SYNE3: variants seen among roughly 807,000 people sequenced by gnomAD.
SYNE3 encodes the protein nesprin-3.
SYNE3 carries 100 observed loss-of-function variants against 111.2 expected under a neutral mutation model. The ratio of observed to expected loss-of-function variants is 0.90; its 90% CI spans 0.77 to 1.06. The LOEUF is 1.06. SYNE3 is among the 50% of genes least tolerant of loss of function. The pLI is 0.00. For missense variants in SYNE3, 1,160 were observed against 1,240.3 expected, an observed-to-expected ratio of 0.94 and a Z score of 0.97; for synonymous variants, 547 against 533.9, an observed-to-expected ratio of 1.02 and a Z score of -0.34.
intron 11 of SYNE3, among the ~76,000 whole-genome samples, chr14:95,440,784 T>C (rs1373686053): frequency 6.6e-6 from 1 of 152,178 alleles, no homozygotes; most frequent in Non-Finnish European, 1.5e-5. Context: ...TCGGGAATGG[T>C]GAGCTGGGCA....
Position 95,457,205 on chromosome 14 carries a change from G to A in SYNE3, c.761C>T (p.Pro254Leu), listed in dbSNP as rs747528522. 1.2e-6 allele frequency: 2 copies of A among 1,613,874 alleles called. No homozygotes were observed. Among genetic ancestry groups the A allele is most frequent in the African/African-American group, 2.7e-5 (2 of 74,880 alleles). ...NGCLGRNCKL[P>L]ITQRLSTLQD... ...CAGTGTGGAGAGGCGCTGCGTGATGGGCAGCTTGCAGTTCCGCCCCAGGCA... is the reference window on the plus strand; with the variant it reads ...CAGTGTGGAGAGGCGCTGCGTGATGAGCAGCTTGCAGTTCCGCCCCAGGCA... Residue 254 changes from proline (P) to leucine (L), a missense_variant, in exon 5 of 18, where the codon CCC becomes CTC. By Grantham distance (98) the Pro-to-Leu change is moderately conservative. Transcript: ENST00000682763.
chr14:95,491,751 T>G, intron 1 of SYNE3, among the ~76,000 whole-genome samples: 1 of 149,072 alleles, frequency 6.7e-6, no homozygotes, highest in East Asian at 2.0e-4. Flanking sequence ...TTAAAACTTT[T>G]GTACTTCAAA....
chr14:95,455,531 C>A lies in SYNE3; in HGVS notation c.983G>T (p.Arg328Leu). Reference sequence around the variant, plus strand: ...CTGCTGCTCCCAGGCTCCCCTGGACCGGAGCAGGCCCCGCAGCCGCTCCTC... The same window carrying A: ...CTGCTGCTCCCAGGCTCCCCTGGACAGGAGCAGGCCCCGCAGCCGCTCCTC... The part of the protein sequence containing the change: ...EEEERLRGLL[R>L]SRGAWEQQIK... Residue 328 changes from arginine to leucine, a missense_variant, in exon 6 of 18, where the codon CGG (arginine) becomes CTG (leucine). Physicochemically the swap from Arg to Leu is moderately radical, Grantham distance 102 (BLOSUM62 -2). Transcript: ENST00000682763. The A allele has an allele frequency of 6.2e-7, 1 of 1,613,896 alleles. No individual in the cohort carries two copies.
At chr14:95,444,459 T>G in intron 10 of SYNE3, 26 bp downstream of exon 10, 1 of 1,581,362 alleles carries the variant, frequency 6.3e-7, no homozygotes, top group East Asian at 2.3e-5. Context: ...TGGGCAGGAG[T>G]GATTCAGGCC....
intron 1 of SYNE3, among the ~76,000 whole-genome samples, chr14:95,507,285 T>C (rs1185163420): frequency 6.6e-6 from 1 of 152,218 alleles, no homozygotes; most frequent in African/African-American, 2.4e-5. Context: ...TCTTCCTAGT[T>C]CGTGTCCACC....
intron 17 of SYNE3, among the ~76,000 whole-genome samples, chr14:95,422,403 C>T (rs1008215691): frequency 6.6e-6 from 1 of 152,160 alleles, no homozygotes; most frequent in Non-Finnish European, 1.5e-5. Flanking sequence ...GGAGAGTACC[C>T]AGTCCAAGGT....
At chr14:95,437,576 C>G (rs940616706) in intron 14 of SYNE3, among the ~76,000 whole-genome samples, 1 of 152,244 alleles carries the variant, frequency 6.6e-6, no homozygotes, top group African/African-American at 2.4e-5. Flanking sequence ...GTCTTATCTT[C>G]CAGGAGAGGC....
chr14:95,471,880 A>G (rs1032344113), intron 2 of SYNE3, among the ~76,000 whole-genome samples: 7 of 152,216 alleles, frequency 4.6e-5, no homozygotes, highest in African/African-American at 1.7e-4. Context: ...TCAGGAGACC[A>G]GGAAAGTGGA....
At chr14:95,432,052 G>A (rs377632931) in intron 17 of SYNE3, 27 bp downstream of exon 17, 42 of 1,608,016 alleles carry the variant, frequency 2.6e-5, no homozygotes, top group African/African-American at 1.5e-4. Context: ...CCTGCTAGCC[G>A]TGTGGAGCAG....
chr14:95,503,547 C>A (rs903312344), intron 1 of SYNE3, among the ~76,000 whole-genome samples: 3 of 142,898 alleles, frequency 2.1e-5, no homozygotes, highest in African/African-American at 7.6e-5. Context: ...AATGAGCAAA[C>A]AAATTAACAC....
At chr14:95,452,911 A>G (rs888571953) in intron 6 of SYNE3, among the ~76,000 whole-genome samples, 1 of 152,216 alleles carries the variant, frequency 6.6e-6, no homozygotes, top group Non-Finnish European at 1.5e-5. Context: ...CGGCAGGCCT[A>G]GAAGCTATTT....
intron 11 of SYNE3, among the ~76,000 whole-genome samples, chr14:95,441,385 G>A (rs936046104): frequency 1.3e-5 from 2 of 152,170 alleles, no homozygotes; most frequent in African/African-American, 4.8e-5. Flanking sequence ...AGGGCTTCCC[G>A]TACATAGAGC....
At position 95,437,083 on chromosome 14, in the gene SYNE3, G is replaced by C. The variant is rs905817519; in HGVS notation, c.2377-102C>G. 6 of 1,479,242 alleles carry C rather than the reference G, an allele frequency of 4.1e-6. No homozygotes were observed. The African/African-American group carries it at 5.6e-5, about 14-fold the overall frequency. The allele number at this position is 1,479,242 out of a possible 1,614,324, so 91.6% of individuals were successfully genotyped here. ...GGCAGAGGGGCAGGGACCAGGACAA[G>C]ATGCCCAAAATGGCGACGGGAGAGG... On this transcript the variant is annotated intron_variant, in intron 14 of 17. Coordinates refer to ENST00000682763, the MANE Select transcript of SYNE3 (RefSeq NM_152592.6).
chr14:95,439,390 C>A (rs969291233), intron 13 of SYNE3, among the ~76,000 whole-genome samples: 1 of 152,250 alleles, frequency 6.6e-6, no homozygotes, highest in Non-Finnish European at 1.5e-5. Flanking sequence ...AACTGAGGCT[C>A]AAGCCAGTAT....
intron 4 of SYNE3, among the ~76,000 whole-genome samples, chr14:95,463,020 G>T (rs1277677142): frequency 6.6e-6 from 1 of 152,110 alleles, no homozygotes; most frequent in Non-Finnish European, 1.5e-5. Flanking sequence ...GCCGGGCATG[G>T]TGACACATGC....
chr14:95,421,847 C>T (rs1267935279), intron 17 of SYNE3, among the ~76,000 whole-genome samples: 1 of 152,218 alleles, frequency 6.6e-6, no homozygotes, highest in Non-Finnish European at 1.5e-5. Context: ...CACAGGCTGT[C>T]CCGTGTGTCT....
chr14:95,486,834 C>T (rs1889576067), intron 1 of SYNE3, among the ~76,000 whole-genome samples: 1 of 152,162 alleles, frequency 6.6e-6, no homozygotes. Context: ...TCACATAAAA[C>T]TCATGGTCTC....
At chr14:95,449,349 G>T (rs940039308) in intron 8 of SYNE3, 1 of 824,874 alleles carries the variant, frequency 1.2e-6, no homozygotes, top group Non-Finnish European at 1.5e-6. Context: ...GGGAGTGTGC[G>T]GGTGTCAGGG....
chr14:95,465,425 G>A (rs1238530975), intron 4 of SYNE3, among the ~76,000 whole-genome samples: 1 of 152,176 alleles, frequency 6.6e-6, no homozygotes, highest in Non-Finnish European at 1.5e-5. Context: ...ACGAGTGGGT[G>A]ATGGTCAATA....
Sources: allele counts gnomAD v4.1 joint callset (sites outside exome capture counted in the v4.1 genomes callset), GRCh38; gene constraint gnomAD v4.1.1; transcripts MANE v1.5; gene names NCBI Gene and HGNC (gene_info 2026-07-23, HGNC 2026-07-21).